The following AFG2A variants were observed in gnomAD, a reference collection of about 807,000 sequenced individuals.
AFG2A encodes ATPase family gene 2 protein homolog A.
chr4:123,106,534 CA>C, the AFG2A span, among the ~76,000 whole-genome samples: 7 of 152,150 alleles, frequency 4.6e-5, no homozygotes, highest in African/African-American at 1.7e-4. Flanking sequence ...ATTCGGAACA[CA>C]AAGGAAAATG....
the AFG2A span, among the ~76,000 whole-genome samples, chr4:123,165,487 A>G: frequency 1.3e-5 from 2 of 152,104 alleles, no homozygotes; most frequent in African/African-American, 2.4e-5. Flanking sequence ...ATGAAAGTAA[A>G]TATGTTGCTT....
chr4:123,088,458 CTG>C, the AFG2A span, among the ~76,000 whole-genome samples: 1 of 152,174 alleles, frequency 6.6e-6, no homozygotes, highest in Non-Finnish European at 1.5e-5. Flanking sequence ...CTTTTGCCAA[CTG>C]TGTTTCTACT....
At chr4:122,942,566 C>T in the AFG2A span, among the ~76,000 whole-genome samples, 1 of 151,946 alleles carries the variant, frequency 6.6e-6, no homozygotes. Flanking sequence ...CAATTTTGTT[C>T]ATCCTTCCAA....
the AFG2A span, among the ~76,000 whole-genome samples, chr4:122,955,777 G>T: frequency 6.6e-6 from 1 of 152,170 alleles, no homozygotes; most frequent in Non-Finnish European, 1.5e-5. Flanking sequence ...GAGACTGCAG[G>T]TTATGTAGAC....
chr4:122,945,990 G>A, the AFG2A span, among the ~76,000 whole-genome samples: 1 of 151,278 alleles, frequency 6.6e-6, no homozygotes, highest in Non-Finnish European at 1.5e-5. Flanking sequence ...TGATTTTCAT[G>A]TCCCAGGTTG....
the AFG2A span, among the ~76,000 whole-genome samples, chr4:123,189,091 TTTC>T: frequency 2.4e-4 from 36 of 152,282 alleles, no homozygotes; most frequent in South Asian, 6.4e-3. Flanking sequence ...AAAGCCTTAA[TTTC>T]TTAGTGCCAG....
At chr4:123,232,166 T>C in the AFG2A span, among the ~76,000 whole-genome samples, 4 of 152,078 alleles carry the variant, frequency 2.6e-5, no homozygotes, top group Admixed American at 2.0e-4. Flanking sequence ...CAGAGCCCAG[T>C]AAAGCATAGT....
the AFG2A span, among the ~76,000 whole-genome samples, chr4:123,054,177 G>T: frequency 6.6e-6 from 1 of 152,196 alleles, no homozygotes; most frequent in Admixed American, 6.5e-5. Flanking sequence ...GAGAGACAGG[G>T]CTACTTCTGG....
At chr4:123,318,526 A>C in the AFG2A span, 4 of 152,210 alleles carry the variant, frequency 2.6e-5, no homozygotes, top group African/African-American at 9.6e-5. Flanking sequence ...AATCTGAGTC[A>C]TACAAAAGAG....
the AFG2A span, among the ~76,000 whole-genome samples, chr4:123,132,881 C>T: frequency 1.6e-4 from 24 of 151,194 alleles, no homozygotes; most frequent in East Asian, 4.0e-4. Flanking sequence ...CCTGGGTTCA[C>T]GCCATTCTCC....
chr4:122,943,326 G>C, the AFG2A span, among the ~76,000 whole-genome samples: 1 of 152,168 alleles, frequency 6.6e-6, no homozygotes, highest in Non-Finnish European at 1.5e-5. Context: ...CTCCTGTTTT[G>C]GGTGCATATA....
the AFG2A span, among the ~76,000 whole-genome samples, chr4:122,966,599 C>G: frequency 6.6e-6 from 1 of 152,132 alleles, no homozygotes; most frequent in Non-Finnish European, 1.5e-5. Context: ...GGGCTAATTA[C>G]TTGAACTTAG....
At chr4:123,071,651 C>G in the AFG2A span, among the ~76,000 whole-genome samples, 4 of 152,140 alleles carry the variant, frequency 2.6e-5, no homozygotes, top group Non-Finnish European at 5.9e-5. Context: ...ACAGTTTATA[C>G]AAATCTGCAG....
At chr4:123,022,220 C>T in the AFG2A span, among the ~76,000 whole-genome samples, 2 of 151,396 alleles carry the variant, frequency 1.3e-5, no homozygotes, top group Admixed American at 1.3e-4. Context: ...TTCTGCACAG[C>T]AAAAGAAACT....
At chr4:122,943,651 G>C in the AFG2A span, among the ~76,000 whole-genome samples, 1 of 151,944 alleles carries the variant, frequency 6.6e-6, no homozygotes, top group South Asian at 2.1e-4. Flanking sequence ...AGTTAATATC[G>C]TTATGTGTGA....
the AFG2A span, among the ~76,000 whole-genome samples, chr4:123,200,950 T>G: frequency 6.6e-6 from 1 of 152,214 alleles, no homozygotes; most frequent in Non-Finnish European, 1.5e-5. Flanking sequence ...AAATACAGTT[T>G]AGAGAGCCAG....
chr4:123,154,989 C>T, the AFG2A span, among the ~76,000 whole-genome samples: 1 of 152,080 alleles, frequency 6.6e-6, no homozygotes, highest in Non-Finnish European at 1.5e-5. Flanking sequence ...CTTTTCTTCC[C>T]TCCCTCTCTG....
At chr4:123,225,292 A>G in the AFG2A span, among the ~76,000 whole-genome samples, 118 of 152,280 alleles carry the variant, frequency 7.7e-4, 1 homozygote, top group Non-Finnish European at 9.7e-4. Flanking sequence ...GCACATGCCT[A>G]TGTCCTGAAT....
chr4:123,055,117 C>T, the AFG2A span, among the ~76,000 whole-genome samples: 24,794 of 152,068 alleles, frequency 0.16, 2,464 homozygotes, highest in East Asian at 0.45. Context: ...CTATGATTCA[C>T]GTGTAGTAAA....
Sources: allele counts gnomAD v4.1 joint callset (sites outside exome capture counted in the v4.1 genomes callset), GRCh38; gene constraint gnomAD v4.1.1; transcripts MANE v1.5; gene names NCBI Gene and HGNC (gene_info 2026-07-23, HGNC 2026-07-21).